The following SLC36A4 variants were observed in gnomAD, a reference collection of about 807,000 sequenced individuals.
The protein encoded by SLC36A4 is solute carrier family 36 member 4.
A neutral mutation model predicts 50.5 loss-of-function variants in SLC36A4; 49 were observed. That is an observed-to-expected ratio of 0.97 (90% CI 0.77 to 1.23). The LOEUF (loss-of-function observed/expected upper bound fraction) is 1.23. Ranked by LOEUF, SLC36A4 falls within the 50% of genes most tolerant of loss-of-function variation. The pLI, the probability that SLC36A4 is intolerant of heterozygous loss-of-function variation, is 0.00. For missense variants in SLC36A4, 611 were observed against 608.4 expected (o/e 1.00, Z -0.05); for synonymous variants, 207 against 206.5 (o/e 1.00, Z -0.02).
At chr11:93,150,255 C>T (rs1231858352) in intron 10 of SLC36A4, among the ~76,000 whole-genome samples, 1 of 152,074 alleles carries the variant, frequency 6.6e-6, no homozygotes, top group Non-Finnish European at 1.5e-5. Flanking sequence ...CACATTTCCT[C>T]TTTGGGGACT....
intron 9 of SLC36A4, chr11:93,155,440 T>C (rs1341956479): frequency 1.3e-5 from 2 of 152,152 alleles, no homozygotes; most frequent in Non-Finnish European, 2.9e-5. Context: ...TATATTCTAC[T>C]TTTGGTATAT....
intron 1 of SLC36A4, among the ~76,000 whole-genome samples, chr11:93,189,406 G>A (rs907463581): frequency 6.6e-6 from 1 of 151,768 alleles, no homozygotes; most frequent in Admixed American, 6.6e-5. Flanking sequence ...TCTAAATAAG[G>A]TCACATCCTG....
At chr11:93,194,393 A>C (rs987575278) in intron 1 of SLC36A4, among the ~76,000 whole-genome samples, 5 of 152,132 alleles carry the variant, frequency 3.3e-5, no homozygotes, top group African/African-American at 1.2e-4. Context: ...CTCTAGATAT[A>C]AAATAAGAAC....
At chr11:93,163,999 T>C (rs1225900644) in intron 8 of SLC36A4, among the ~76,000 whole-genome samples, 2 of 152,124 alleles carry the variant, frequency 1.3e-5, no homozygotes, top group African/African-American at 4.8e-5. Context: ...CAAGATGCTT[T>C]AGCCTCATCT....
chr11:93,171,982 C>G (rs1024042675), intron 6 of SLC36A4: 29 of 152,118 alleles, frequency 1.9e-4, no homozygotes, highest in African/African-American at 6.0e-4. Flanking sequence ...GCTACTTGCT[C>G]TCGCTAAGAC....
intron 1 of SLC36A4, among the ~76,000 whole-genome samples, chr11:93,195,042 G>A (rs186951137): frequency 7.6e-4 from 116 of 151,766 alleles, no homozygotes; most frequent in African/African-American, 2.6e-3. Flanking sequence ...CTTTCCTTAG[G>A]GCTGCTTGAG....
At chr11:93,186,210 T>G (rs1041981747) in intron 1 of SLC36A4, among the ~76,000 whole-genome samples, 1 of 152,238 alleles carries the variant, frequency 6.6e-6, no homozygotes, top group Admixed American at 6.5e-5. Flanking sequence ...AAATACTTGA[T>G]GAAAATTACA....
chr11:93,181,842 T>C (rs769348356), intron 4 of SLC36A4, 56 bp from the exon 5 acceptor site: 1 of 1,399,460 alleles, frequency 7.1e-7, no homozygotes, highest in Non-Finnish European at 9.6e-7. Context: ...AGGTGGTCCA[T>C]AAAACCACCT....
At chr11:93,184,010 C>T (rs770486550) in intron 3 of SLC36A4, among the ~76,000 whole-genome samples, 4 of 152,130 alleles carry the variant, frequency 2.6e-5, no homozygotes, top group Non-Finnish European at 4.4e-5. Flanking sequence ...CTTTTCTTAA[C>T]TGTTATTTAA....
Position 93,184,509 on chromosome 11 carries a change from G to A in SLC36A4, c.191C>T (p.Thr64Ile). ...ATTTCCTTTAAGAAGGTGCATAAGA[G>A]TTTGTACAAATCTGAAAAGTAAAAG... is the stretch of plus-strand genomic sequence containing the variant. ...DDQEGISFVQ[T>I]LMHLLKGNIG... is the part of the protein sequence containing the mutation. The change falls in exon 3 of 11, where the codon ACT (threonine) becomes ATT (isoleucine). Residue 64 changes from threonine (T) to isoleucine (I), a missense_variant. Transcript: ENST00000326402. 3.8e-6 allele frequency: 6 copies of A among 1,597,700 alleles called. No homozygotes were observed. The highest frequency in any genetic ancestry group is 5.1e-6 in the Non-Finnish European group (6 of 1,167,112).
intron 9 of SLC36A4, among the ~76,000 whole-genome samples, chr11:93,157,067 G>A (rs982628577): frequency 6.6e-6 from 1 of 152,156 alleles, no homozygotes; most frequent in Non-Finnish European, 1.5e-5. Flanking sequence ...CATATGGCTG[G>A]CTGGTTATCC....
chr11:93,188,582 T>G (rs1862086149), intron 1 of SLC36A4, among the ~76,000 whole-genome samples: 1 of 152,200 alleles, frequency 6.6e-6, no homozygotes, highest in South Asian at 2.1e-4. Context: ...CCTTGTTTCT[T>G]GTTTTCCAGT....
At chr11:93,153,661 A>G (rs1860209721) in intron 10 of SLC36A4, among the ~76,000 whole-genome samples, 1 of 152,148 alleles carries the variant, frequency 6.6e-6, no homozygotes, top group Admixed American at 6.6e-5. Context: ...TCTTCAAATA[A>G]TAAGAAAATA....
At chr11:93,171,625 A>G (rs1374818717) in intron 6 of SLC36A4, 3 of 152,056 alleles carry the variant, frequency 2.0e-5, no homozygotes, top group Non-Finnish European at 2.9e-5. Flanking sequence ...CTTAAATTCA[A>G]ATAGAGCTTG....
intron 5 of SLC36A4, 114 bp from the exon 6 acceptor site, chr11:93,180,995 T>C: frequency 1.4e-6 from 1 of 735,250 alleles, no homozygotes; most frequent in South Asian, 1.8e-5. Context: ...ATTCTCCTAC[T>C]CAGTATGTCA....
chr11:93,155,656 T>A (rs886598261), intron 9 of SLC36A4, among the ~76,000 whole-genome samples: 2 of 152,108 alleles, frequency 1.3e-5, no homozygotes, highest in Non-Finnish European at 2.9e-5. Flanking sequence ...GGGCTTGTTG[T>A]ACAGATTATT....
intron 1 of SLC36A4, among the ~76,000 whole-genome samples, chr11:93,194,406 T>C (rs1199535136): frequency 1.3e-5 from 2 of 152,034 alleles, no homozygotes; most frequent in Non-Finnish European, 2.9e-5. Flanking sequence ...ATAAGAACCA[T>C]TACTATTTTG....
At chr11:93,183,859 G>A (rs928439798) in intron 3 of SLC36A4, among the ~76,000 whole-genome samples, 9 of 151,894 alleles carry the variant, frequency 5.9e-5, no homozygotes, top group Non-Finnish European at 8.8e-5. Context: ...CACCACGCCC[G>A]GCTAATTTTT....
rs1859831442 is a variant in SLC36A4 at position 93,145,573 on chromosome 11, TTAAC to T, written c.*2960_*2963del. The T allele has an allele frequency of 6.6e-6, 1 of 152,104 alleles. No homozygotes were observed. The highest frequency in any genetic ancestry group is 1.5e-5 in the Non-Finnish European group (1 of 67,994). 9.4% of individuals were successfully genotyped at this position (152,104 alleles called of 1,614,324 possible). A position where few individuals can be genotyped will look rare whatever the true frequency, so the allele number is the denominator to read the frequency against. ...ACTCTTGGGTGTAAGGGAACAGTGATTAACTGACTTGGAACGGAGCTCATTAGAG... is the reference window on the plus strand; with the variant it reads ...ACTCTTGGGTGTAAGGGAACAGTGATTGACTTGGAACGGAGCTCATTAGAG... On this transcript the variant is annotated 3_prime_UTR_variant, in exon 11 of 11. Transcript: ENST00000326402.
Sources: gnomAD v4.1 joint callset for allele counts (sites outside exome capture counted in the v4.1 genomes callset) on GRCh38, gnomAD v4.1.1 for gene constraint, MANE v1.5 for transcripts, NCBI Gene and HGNC (gene_info 2026-07-23, HGNC 2026-07-21) for gene names.